The following SNTG2 variants were observed in gnomAD, a reference collection of about 807,000 sequenced individuals.
SNTG2 encodes gamma-2-syntrophin.
A neutral mutation model predicts 70.9 loss-of-function variants in SNTG2; 74 were observed. That is an observed-to-expected ratio of 1.04 (90% CI 0.86 to 1.27). SNTG2 has a LOEUF of 1.27. Ranked by LOEUF, SNTG2 falls within the 50% of genes most tolerant of loss-of-function variation. SNTG2 has a pLI of 0.00. For missense variants in SNTG2, 717 were observed against 690.7 expected (o/e 1.04, Z -0.43); for synonymous variants, 278 against 273.8 (o/e 1.02, Z -0.15).
intron 8 of SNTG2, among the ~76,000 whole-genome samples, chr2:1,190,495 CTATATATATATATATATATATA>C (rs72001718): frequency 0.34 from 30,801 of 91,258 alleles, 4,557 homozygotes; most frequent in East Asian, 0.52. Flanking sequence ...GGAGGGCTGA[CTATATATATATATATATATATA>C]TATATATATA....
intron 11 of SNTG2, among the ~76,000 whole-genome samples, chr2:1,240,814 A>G (rs1354918322): frequency 1.3e-5 from 2 of 151,976 alleles, no homozygotes; most frequent in African/African-American, 2.4e-5. Context: ...ATCTCTTTTA[A>G]TATTATTCTA....
At chr2:1,048,308 C>T (rs1298577513) in intron 1 of SNTG2, among the ~76,000 whole-genome samples, 8 of 152,096 alleles carry the variant, frequency 5.3e-5, no homozygotes, top group East Asian at 3.9e-4. Context: ...ATGTGGCCAG[C>T]GCTGACATCC....
At chr2:1,351,365 C>T (rs1480974062) in intron 16 of SNTG2, among the ~76,000 whole-genome samples, 2 of 152,042 alleles carry the variant, frequency 1.3e-5, no homozygotes, top group Non-Finnish European at 2.9e-5. Flanking sequence ...GTATAAATAA[C>T]ATTTATGAAG....
At chr2:1,079,297 G>T (rs1664129474) in intron 1 of SNTG2, among the ~76,000 whole-genome samples, 1 of 152,372 alleles carries the variant, frequency 6.6e-6, no homozygotes, top group Admixed American at 6.5e-5. Context: ...ACAGAAAGCA[G>T]TGCCTGGAGG....
chr2:1,348,721 G>A (rs767618716), intron 16 of SNTG2, among the ~76,000 whole-genome samples: 5 of 152,172 alleles, frequency 3.3e-5, no homozygotes, highest in Non-Finnish European at 5.9e-5. Context: ...AGGACCTCCC[G>A]AGGGCGGTGT....
At chr2:976,627 G>A (rs551765489) in intron 1 of SNTG2, among the ~76,000 whole-genome samples, 9 of 152,154 alleles carry the variant, frequency 5.9e-5, no homozygotes, top group South Asian at 2.1e-4. Context: ...CTAAAATAGC[G>A]CATCTTCTAT....
intron 1 of SNTG2, among the ~76,000 whole-genome samples, chr2:1,030,953 T>C (rs1660782201): frequency 6.6e-6 from 1 of 152,164 alleles, no homozygotes; most frequent in Non-Finnish European, 1.5e-5. Flanking sequence ...ACCAACATGT[T>C]GTAGGGATTA....
At chr2:1,151,956 C>A (rs1669526256) in intron 6 of SNTG2, among the ~76,000 whole-genome samples, 2 of 151,424 alleles carry the variant, frequency 1.3e-5, no homozygotes. Context: ...CTATAATATA[C>A]TCAATTTACC....
Position 1,162,983 on chromosome 2 carries a change from C to T in SNTG2, c.412-2565C>T, listed in dbSNP as rs568265381. Among the ~76,000 whole-genome samples the T allele has an allele frequency of 2.6e-5, 4 of 152,274 alleles. No individual in the cohort carries two copies. In the East Asian group the frequency reaches 5.8e-4, roughly 22 times the overall value. Reference sequence around the variant, plus strand: ...GGAGGAAAGACGCCTTGGAGACAGCCGGCAGAAGAGGCCTGACTCAGCCCT... The same window carrying T: ...GGAGGAAAGACGCCTTGGAGACAGCTGGCAGAAGAGGCCTGACTCAGCCCT... On this transcript the variant is annotated intron_variant, in intron 6 of 16. Coordinates refer to ENST00000308624, the MANE Select transcript of SNTG2 (RefSeq NM_018968.4).
At chr2:1,114,597 G>C (rs571576768) in intron 4 of SNTG2, among the ~76,000 whole-genome samples, 1 of 147,250 alleles carries the variant, frequency 6.8e-6, no homozygotes, top group African/African-American at 2.6e-5. Flanking sequence ...GAGGAGGATC[G>C]TGTGTAGTAA....
At chr2:1,021,640 T>A (rs1265445118) in intron 1 of SNTG2, among the ~76,000 whole-genome samples, 11 of 152,026 alleles carry the variant, frequency 7.2e-5, no homozygotes, top group Non-Finnish European at 1.6e-4. Flanking sequence ...TCTTTCTGTG[T>A]CATCCAGACT....
At chr2:966,743 G>T (rs12471309) in intron 1 of SNTG2, among the ~76,000 whole-genome samples, 16 of 152,046 alleles carry the variant, frequency 1.1e-4, no homozygotes, top group Non-Finnish European at 1.2e-4. Context: ...TCAGGGGTTC[G>T]AGACCAGCCT....
In SNTG2 at chr2:960,120, C is replaced by T. The variant is rs919304611; in HGVS notation, c.72+9052C>T. Among the ~76,000 whole-genome samples the T allele has an allele frequency of 5.3e-5, 8 of 152,162 alleles. No individual in the cohort carries two copies. The East Asian group carries it at 1.2e-3, about 22-fold the overall frequency. ...TTCTTCTGTATCAGTGGAGAGGCTT[C>T]GGGCAGGTGTTCCCGTAGGAGGGGG... On this transcript the variant is annotated intron_variant, in intron 1 of 16. Coordinates refer to ENST00000308624, the MANE Select transcript of SNTG2 (RefSeq NM_018968.4).
chr2:1,034,915 C>A (rs1029141115), intron 1 of SNTG2, among the ~76,000 whole-genome samples: 1 of 152,168 alleles, frequency 6.6e-6, no homozygotes, highest in African/African-American at 2.4e-5. Flanking sequence ...ATAGAATATT[C>A]TTCTCATCAC....
chr2:998,353 A>G (rs553696530), intron 1 of SNTG2, among the ~76,000 whole-genome samples: 4 of 152,090 alleles, frequency 2.6e-5, no homozygotes, highest in Non-Finnish European at 5.9e-5. Flanking sequence ...TTCTAGAGAA[A>G]CTTGTTGAGT....
At chr2:1,312,420 G>A (rs544162619) in intron 15 of SNTG2, among the ~76,000 whole-genome samples, 1 of 152,274 alleles carries the variant, frequency 6.6e-6, no homozygotes, top group Non-Finnish European at 1.5e-5. Flanking sequence ...TCAGAAGTGG[G>A]AGAGGACATC....
intron 6 of SNTG2, among the ~76,000 whole-genome samples, chr2:1,143,193 A>G (rs1314727522): frequency 2.3e-5 from 3 of 131,976 alleles, no homozygotes; most frequent in Non-Finnish European, 4.8e-5. Flanking sequence ...AACTGTAGAG[A>G]GACTCACTGC....
rs192203525 is a variant in SNTG2 at position 1,038,104 on chromosome 2, G to A, written c.73-45414G>A. Among the ~76,000 whole-genome samples the A allele has an allele frequency of 2.6e-5, 4 of 152,272 alleles. No homozygotes were observed. In the South Asian group the frequency reaches 8.3e-4, roughly 32 times the overall value. On this transcript the variant is annotated intron_variant, in intron 1 of 16. Transcript: ENST00000308624. ...ACGTCTGAGCAATTATGTATCCGTT[G>A]TCAAAACCTGGCCCTACTTTTGGTC...
intron 1 of SNTG2, among the ~76,000 whole-genome samples, chr2:1,072,022 A>G (rs1663592589): frequency 6.6e-6 from 1 of 152,232 alleles, no homozygotes; most frequent in Non-Finnish European, 1.5e-5. Flanking sequence ...GTTCAAGGAA[A>G]GAAGCCATCT....
Sources: allele counts gnomAD v4.1 joint callset (sites outside exome capture counted in the v4.1 genomes callset), GRCh38; gene constraint gnomAD v4.1.1; transcripts MANE v1.5; gene names NCBI Gene and HGNC (gene_info 2026-07-23, HGNC 2026-07-21).